The following AGRN variants were observed in gnomAD, a reference collection of about 807,000 sequenced individuals.
AGRN encodes agrin proteoglycan.
AGRN carries 106 observed loss-of-function variants against 211.0 expected under a neutral mutation model. The ratio of observed to expected loss-of-function variants is 0.50; its 90% CI spans 0.43 to 0.59. AGRN has a LOEUF of 0.59. Ranked by LOEUF, AGRN falls within the 20% of genes least tolerant of loss-of-function variation. The pLI, the probability that AGRN is intolerant of heterozygous loss-of-function variation, is 0.00. For synonymous variants in AGRN, 1,525 were observed against 1,332.5 expected, an observed-to-expected ratio of 1.14 and a Z score of -3.15; for missense variants, 3,040 against 2,982.6, an observed-to-expected ratio of 1.02 and a Z score of -0.45.
intron 25 of AGRN, 26 bp downstream of exon 25, chr1:1,049,477 CCCCG>C (rs746738141): frequency 1.9e-6 from 3 of 1,599,904 alleles, no homozygotes; most frequent in Non-Finnish European, 1.7e-6. Context: ...GGTGGTGTGG[CCCCG>C]ACCCCGGCCC....
In AGRN at chr1:1,050,337, G is replaced by A. The variant is rs1448467622; in HGVS notation, c.4976+8G>A. 2.5e-6 allele frequency: 4 copies of A among 1,612,700 alleles called. No individual in the cohort carries two copies. The highest frequency in any genetic ancestry group is 3.4e-6 in the Non-Finnish European group (4 of 1,179,890). On this transcript the variant is annotated splice_region_variant and intron_variant, in intron 28 of 35. Transcript: ENST00000379370. The stretch of plus-strand genomic sequence containing the variant: ...CTTTGCACGGGACCTGGGGTCGGTG[G>A]GGCAGGAGCAGGGGGAAGGGCCGGC...
chr1:1,020,134 C>A lies in AGRN; in HGVS notation c.-39C>A. The A allele has an allele frequency of 1.8e-6, 2 of 1,118,976 alleles. No homozygotes were observed. Among genetic ancestry groups the A allele is most frequent in the Non-Finnish European group, 2.3e-6 (2 of 869,832 alleles). 69.3% of individuals were successfully genotyped at this position (1,118,976 alleles called of 1,614,324 possible). ...CCGTCCTGTCCAGTCCCGTCCCCGG[C>A]GCGGCCCGCGCGCTCCTCCGCCGCC... On this transcript the variant is annotated 5_prime_UTR_variant, in exon 1 of 36. Coordinates refer to ENST00000379370, the MANE Select transcript of AGRN (RefSeq NM_198576.4).
chr1:1,023,514 T>G (rs1201919391), intron 2 of AGRN, among the ~76,000 whole-genome samples: 1 of 151,992 alleles, frequency 6.6e-6, no homozygotes, highest in Non-Finnish European at 1.5e-5. Flanking sequence ...TTGGTCCTCT[T>G]CTGGGCACTC....
At chr1:1,028,296 C>T (rs1311278491) in intron 2 of AGRN, among the ~76,000 whole-genome samples, 1 of 148,070 alleles carries the variant, frequency 6.8e-6, no homozygotes, top group Non-Finnish European at 1.5e-5. Context: ...CCCCTGCTGG[C>T]CGTTCTCTCT....
rs1645396660 is a variant in AGRN at position 1,054,436 on chromosome 1, C to CT, written c.5877-11dup. Reference sequence around the variant, plus strand: ...CTGGGCCCTGATGGTCTCCCCCTCCCTGCACACCCAGGGAGCAGAGGGAAG... The same window carrying CT: ...CTGGGCCCTGATGGTCTCCCCCTCCCTTGCACACCCAGGGAGCAGAGGGAAG... On this transcript the variant is annotated splice_polypyrimidine_tract_variant and intron_variant, in intron 34 of 35. Transcript: ENST00000379370. 7 of 1,569,444 alleles carry CT rather than the reference C, an allele frequency of 4.5e-6. No homozygotes were observed. Among genetic ancestry groups the CT allele is most frequent in the South Asian group, 2.3e-5 (2 of 85,474 alleles).
At position 1,049,468 on chromosome 1, in the gene AGRN, G is replaced by A. The variant is rs371323332; in HGVS notation, c.4514+17G>A. 3.8e-5 allele frequency: 61 copies of A among 1,600,628 alleles called. No homozygotes were observed. The African/African-American group carries it at 7.5e-4, about 20-fold the overall frequency. On this transcript the variant is annotated intron_variant, in intron 25 of 35. Coordinates refer to ENST00000379370, the MANE Select transcript of AGRN (RefSeq NM_198576.4). ...GGCTGCCGTGTGAGTCCCTTGGAGG[G>A]TGGTGTGGCCCCGACCCCGGCCCTT...
chr1:1,037,410 A>G (rs1315512216), intron 3 of AGRN, among the ~76,000 whole-genome samples: 2 of 152,008 alleles, frequency 1.3e-5, no homozygotes, highest in African/African-American at 4.8e-5. Context: ...CCCACATGCC[A>G]CCTAACTGTG....
At position 1,028,333 on chromosome 1, in the gene AGRN, C is replaced by G. The variant is rs1349885294; in HGVS notation, c.463+5871C>G. Among the ~76,000 whole-genome samples, 16 of 145,464 alleles carry G rather than the reference C, an allele frequency of 1.1e-4. 1 individual carries two copies. The highest frequency in any genetic ancestry group is 3.6e-4 in the African/African-American group (14 of 38,754). ...CCGTGGGGAAACGCCCCCCCCCCCC[C>G]CCCGCCCTGCACCTGGCTGGCGGCA... On this transcript the variant is annotated intron_variant, in intron 2 of 35. Coordinates refer to ENST00000379370, the MANE Select transcript of AGRN (RefSeq NM_198576.4).
chr1:1,052,514 C>CGTGT (rs34235844), intron 33 of AGRN: 165 of 205,026 alleles, frequency 8.0e-4, no homozygotes, highest in African/African-American at 1.6e-3. Flanking sequence ...GGTATGTGTC[C>CGTGT]GTGTGTGTGT....
At chr1:1,045,127 G>T in intron 12 of AGRN, 34 bp from the exon 13 acceptor site, 1 of 1,604,360 alleles carries the variant, frequency 6.2e-7, no homozygotes, top group Non-Finnish European at 8.5e-7. Context: ...GTCCAGCACT[G>T]CATGAAATCT....
chr1:1,044,195 G>A lies in AGRN; in HGVS notation c.2086G>A (p.Glu696Lys), dbSNP rs143010947. 2.9e-5 allele frequency: 46 copies of A among 1,613,034 alleles called. No individual in the cohort carries two copies. The highest frequency in any genetic ancestry group is 4.4e-5 in the South Asian group (4 of 91,088). Residue 696 changes from glutamate to lysine, a missense_variant, in exon 11 of 36, where the codon GAG (glutamate) becomes AAG (lysine). Glu to Lys is a moderately conservative substitution (Grantham distance 56). Around this residue, in one of 3 missense-constraint regions of AGRN, gnomAD observed 1,498 missense variants for 1,457.8 expected, o/e 1.03. Transcript: ENST00000379370. The stretch of plus-strand genomic sequence containing the variant: ...CCGGCAGCGCGGTGGCATCTGGGAC[G>A]AGGACTCGGAGGACGGGCCGTGTGT... ...LCRQRGGIWD[E>K]DSEDGPCVCD... is the part of the protein sequence containing the mutation.
intron 33 of AGRN, 129 bp from the exon 34 acceptor site, chr1:1,053,624 C>T (rs1645370855): frequency 1.4e-6 from 2 of 1,478,656 alleles, no homozygotes; most frequent in Middle Eastern, 1.8e-4. Context: ...CGGTGTCTGC[C>T]CACCAGCCAC....
chr1:1,049,864 C>G lies in AGRN; in HGVS notation c.4745-39C>G, dbSNP rs1441288842. ...TGTGGGCGGTACCCAACCGACGCCT[C>G]CTGGGACCTCGGTCCCGGTCCCGTC... On this transcript the variant is annotated intron_variant, in intron 26 of 35. Coordinates refer to ENST00000379370, the MANE Select transcript of AGRN (RefSeq NM_198576.4). 5 of 1,611,262 alleles carry G rather than the reference C, an allele frequency of 3.1e-6. No homozygotes were observed. In the African/African-American group the frequency reaches 4.0e-5, roughly 13 times the overall value.
rs555803746 is a variant in AGRN at position 1,020,511 on chromosome 1, G to T, written c.201+138G>T. 0.014 allele frequency: 11,334 copies of T among 815,170 alleles called. 103 individuals carry two copies. The highest frequency in any genetic ancestry group is 0.017 in the Non-Finnish European group (9,990 of 592,416). 50.5% of individuals were successfully genotyped at this position (815,170 alleles called of 1,614,324 possible). On this transcript the variant is annotated intron_variant, in intron 1 of 35. Transcript: ENST00000379370. ...CCTTGGCGACCGCCAAGCCCCGGGA[G>T]GGGGGGTCGCCGGGTCCCGGGAAAC...
chr1:1,043,926 C>T lies in AGRN; in HGVS notation c.1902C>T (p.Ser634=), dbSNP rs549820648. The T allele has an allele frequency of 2.1e-4, 335 of 1,609,304 alleles. 2 individuals are homozygous for T. In the South Asian group the frequency reaches 2.6e-3, roughly 12 times the overall value. The change falls in exon 10 of 36, where the codon AGC becomes AGT. Residue 634 remains serine, a synonymous_variant. Coordinates refer to ENST00000379370, the MANE Select transcript of AGRN (RefSeq NM_198576.4). ...CCCCGCCCGGCCCCGTGTGTGGCAGCGACGGTGTCACCTACGGCAGTGCCT... is the reference window on the plus strand; with the variant it reads ...CCCCGCCCGGCCCCGTGTGTGGCAGTGACGGTGTCACCTACGGCAGTGCCT... The part of the protein sequence containing the change: ...EHPPPGPVCG[S]DGVTYGSACE...
Position 1,040,866 on chromosome 1 carries a change from G to A in AGRN, c.713G>A (p.Ser238Asn). 2.0e-6 allele frequency: 3 copies of A among 1,521,752 alleles called. No homozygotes were observed. The highest frequency in any genetic ancestry group is 2.6e-6 in the Non-Finnish European group (3 of 1,141,814). The allele number at this position is 1,521,752 out of a possible 1,614,324, so 94.3% of individuals were successfully genotyped here. ...CSQQRRIRLL[S>N]RGPCGSRDPC... The stretch of plus-strand genomic sequence containing the variant: ...CAGCAGCGCCGCATCCGCCTGCTCA[G>A]CCGCGGGCCGTGCGGTGAGCGGGGC... Residue 238 changes from serine (S) to asparagine (N), a missense_variant, in exon 4 of 36, where the codon AGC becomes AAC. Ser to Asn is a conservative substitution (Grantham distance 46). This residue lies in a region of AGRN where 1,498 missense variants were observed against 1,457.8 expected (regional missense o/e 1.03). Coordinates refer to ENST00000379370, the MANE Select transcript of AGRN (RefSeq NM_198576.4).
chr1:1,034,300 C>T (rs1644747819), intron 2 of AGRN: 2 of 985,268 alleles, frequency 2.0e-6, no homozygotes, highest in Non-Finnish European at 2.4e-6. Flanking sequence ...CCCAGTCCCT[C>T]CTCCGCCTAC....
chr1:1,053,682 G>A (rs952651052), intron 33 of AGRN, 71 bp from the exon 34 acceptor site: 1 of 1,520,340 alleles, frequency 6.6e-7, no homozygotes. Context: ...TGGGGCCCTT[G>A]TCCTCCCGCC....
rs988860363 is a variant in AGRN at position 1,032,844 on chromosome 1, T to G, written c.464-2433T>G. ...CCAGGGGTGTGCGGGGGCGCTGAGG[T>G]GCGGTCGCCGAGAGATTCTGGCCTC... On this transcript the variant is annotated intron_variant, in intron 2 of 35. Transcript: ENST00000379370. The surrounding 1 kb of genome is among the most constrained non-coding windows in gnomAD (Gnocchi z 4.7). Among the ~76,000 whole-genome samples the G allele has an allele frequency of 4.0e-5, 6 of 151,688 alleles. No individual in the cohort carries two copies. The highest frequency in any genetic ancestry group is 1.2e-4 in the African/African-American group (5 of 41,228).
Sources: gnomAD v4.1 joint callset for allele counts (sites outside exome capture counted in the v4.1 genomes callset) on GRCh38, gnomAD v4.1.1 for gene constraint, gnomAD v4.1.1 regional missense constraint, Gnocchi (gnomAD v3.1) non-coding constraint, MANE v1.5 for transcripts, NCBI Gene and HGNC (gene_info 2026-07-23, HGNC 2026-07-21) for gene names.